The following CAST variants were observed in gnomAD, a reference collection of about 807,000 sequenced individuals.
CAST encodes calpastatin, also known as MIR583 host.
A neutral mutation model predicts 119.6 loss-of-function variants in CAST; 76 were observed. That is an observed-to-expected ratio of 0.64 (90% CI 0.53 to 0.77). The LOEUF is 0.77. CAST is among the 30% of genes least tolerant of loss of function. The pLI is 0.00. For missense variants in CAST, 953 were observed against 946.5 expected (o/e 1.01, Z -0.09); for synonymous variants, 319 against 331.6 (o/e 0.96, Z 0.41).
rs1385230697 is a variant in CAST at position 96,773,967 on chromosome 5, A to G, written c.*1351A>G. 1 of 152,236 alleles carries G rather than the reference A, an allele frequency of 6.6e-6. No homozygotes were observed. The highest frequency in any genetic ancestry group is 1.5e-5 in the Non-Finnish European group (1 of 68,026). The allele number at this position is 152,236 out of a possible 1,614,324, so 9.4% of individuals were successfully genotyped here. ...CCACATCTTGTTAACCTCCCCCCCAAATACTCTCTGAAAGTCATGCACATA... is the reference window on the plus strand; with the variant it reads ...CCACATCTTGTTAACCTCCCCCCCAGATACTCTCTGAAAGTCATGCACATA... On this transcript the variant is annotated 3_prime_UTR_variant, in exon 32 of 32. Transcript: ENST00000675179.
chr5:96,434,351 C>A, the CAST span, among the ~76,000 whole-genome samples: 1 of 152,206 alleles, frequency 6.6e-6, no homozygotes, highest in Non-Finnish European at 1.5e-5. Flanking sequence ...GCAGGACTGC[C>A]GCAGGAGCTG....
chr5:96,493,578 G>A, the CAST span, among the ~76,000 whole-genome samples: 1 of 152,174 alleles, frequency 6.6e-6, no homozygotes, highest in Non-Finnish European at 1.5e-5. Flanking sequence ...CATGCTGGGT[G>A]TACTGTGAGA....
chr5:96,619,581 C>T (rs1039788409), intron 1 of CAST, among the ~76,000 whole-genome samples: 5 of 152,216 alleles, frequency 3.3e-5, no homozygotes, highest in African/African-American at 1.2e-4. Flanking sequence ...TGCTGTTCCT[C>T]ACTGTTTGGG....
At chr5:96,396,047 A>G in the CAST span, among the ~76,000 whole-genome samples, 2 of 152,170 alleles carry the variant, frequency 1.3e-5, no homozygotes, top group Non-Finnish European at 2.9e-5. Context: ...GGTGAAATTG[A>G]GTTGAAGAAT....
intron 1 of CAST, among the ~76,000 whole-genome samples, chr5:96,556,590 A>G (rs913380336): frequency 2.6e-5 from 4 of 152,236 alleles, no homozygotes; most frequent in African/African-American, 7.2e-5. Flanking sequence ...TATTTGATCA[A>G]CTGGAAGAAA....
intron 1 of CAST, among the ~76,000 whole-genome samples, chr5:96,639,003 T>C (rs1747918804): frequency 6.6e-6 from 1 of 152,240 alleles, no homozygotes; most frequent in Admixed American, 6.5e-5. Flanking sequence ...GGTGGCCTCC[T>C]ATCTTCTCGG....
chr5:96,382,285 G>A, the CAST span, among the ~76,000 whole-genome samples: 4 of 152,194 alleles, frequency 2.6e-5, no homozygotes, highest in South Asian at 8.3e-4. Context: ...TTAGCTATGC[G>A]ACCTTGATCA....
chr5:96,642,741 G>T (rs1026604206), intron 1 of CAST, among the ~76,000 whole-genome samples: 19 of 151,908 alleles, frequency 1.3e-4, no homozygotes, highest in East Asian at 3.9e-4. Flanking sequence ...AAGAGACAGG[G>T]TTGCACCATG....
In CAST at chr5:96,774,541, A is replaced by G. The variant is rs552348011; in HGVS notation, c.*1925A>G. On this transcript the variant is annotated 3_prime_UTR_variant, in exon 32 of 32. Coordinates refer to ENST00000675179, the MANE Select transcript of CAST (RefSeq NM_001750.7). Reference sequence around the variant, plus strand: ...AAGGTTTCTGCACATTGTTGTGGCAATATTGTATCTGTTTAGAAAATGGGC... The same window carrying G: ...AAGGTTTCTGCACATTGTTGTGGCAGTATTGTATCTGTTTAGAAAATGGGC... 1.1e-4 allele frequency: 109 copies of G among 985,990 alleles called. No homozygotes were observed. Among genetic ancestry groups the G allele is most frequent in the Non-Finnish European group, 1.3e-4 (107 of 829,882 alleles). The allele number at this position is 985,990 out of a possible 1,614,324, so 61.1% of individuals were successfully genotyped here.
the CAST span, among the ~76,000 whole-genome samples, chr5:96,077,903 A>C: frequency 6.6e-6 from 1 of 152,224 alleles, no homozygotes; most frequent in East Asian, 1.9e-4. Context: ...CTATTTCTGT[A>C]AGGAACAGTA....
upstream of CAST, among the ~76,000 whole-genome samples, chr5:96,525,004 C>T (rs1745576108): frequency 6.6e-6 from 1 of 152,172 alleles, no homozygotes; most frequent in African/African-American, 2.4e-5. Flanking sequence ...GTCTTCACTC[C>T]TCATCTTGCT....
chr5:96,236,502 T>G, the CAST span, among the ~76,000 whole-genome samples: 1 of 152,180 alleles, frequency 6.6e-6, no homozygotes, highest in Non-Finnish European at 1.5e-5. Flanking sequence ...TTGCCCAGCA[T>G]GAGTGGGTCT....
At chr5:96,222,762 A>G in the CAST span, among the ~76,000 whole-genome samples, 44 of 152,196 alleles carry the variant, frequency 2.9e-4, no homozygotes, top group African/African-American at 9.1e-4. Context: ...CCTCTAATAT[A>G]TATCTATCCA....
At chr5:96,508,315 A>C in the CAST span, among the ~76,000 whole-genome samples, 2 of 152,122 alleles carry the variant, frequency 1.3e-5, no homozygotes, top group Non-Finnish European at 2.9e-5. Context: ...CCTGATTCTC[A>C]GTTCCTTCAC....
rs145252046 is a variant in CAST, at chr5:96,765,525, G to T, written c.2037+200G>T. On this transcript the variant is annotated intron_variant, in intron 26 of 31. Transcript: ENST00000675179. ...AATCTGTGACAGAGATACCAGCGGA[G>T]CCTCCCTGAGGGGATTCTGGGAGGT... is the stretch of plus-strand genomic sequence containing the variant. Among the ~76,000 whole-genome samples, 301 of 152,198 alleles carry T rather than the reference G, an allele frequency of 2.0e-3. 10 individuals are homozygous for T. In the East Asian group the frequency reaches 0.052, roughly 26 times the overall value.
the CAST span, among the ~76,000 whole-genome samples, chr5:96,496,625 A>C: frequency 6.6e-6 from 1 of 152,264 alleles, no homozygotes; most frequent in East Asian, 1.9e-4. Flanking sequence ...GTCCAAGGAA[A>C]GAAAACATTG....
At chr5:96,379,169 G>C in the CAST span, among the ~76,000 whole-genome samples, 1 of 152,132 alleles carries the variant, frequency 6.6e-6, no homozygotes, top group African/African-American at 2.4e-5. Flanking sequence ...GTTCTCATTA[G>C]TAGAATAAGT....
chr5:96,382,941 G>A, the CAST span, among the ~76,000 whole-genome samples: 5 of 152,286 alleles, frequency 3.3e-5, no homozygotes, highest in South Asian at 2.1e-4. Flanking sequence ...TGGACCTGCA[G>A]ATAAACTAAA....
chr5:96,662,497 G>A lies in CAST; in HGVS notation c.75G>A (p.Glu25=), dbSNP rs1378954044. 5 of 1,406,086 alleles carry A rather than the reference G, an allele frequency of 3.6e-6. No individual in the cohort carries two copies. The highest frequency in any genetic ancestry group is 3.7e-6 in the Non-Finnish European group (4 of 1,085,922). The allele number at this position is 1,406,086 out of a possible 1,614,324, so 87.1% of individuals were successfully genotyped here. ...RRAAAARRTH[E]HVSEKTSESP... is the part of the protein sequence containing the mutation. Reference sequence around the variant, plus strand: ...CAGCCGCCGCCCGCCGCACCCATGAGGTGAGTGGCGCTCCTGTCGGCGTCG... The same window carrying A: ...CAGCCGCCGCCCGCCGCACCCATGAAGTGAGTGGCGCTCCTGTCGGCGTCG... Residue 25 remains glutamate, a splice_region_variant and synonymous_variant, in exon 1 of 32, where the codon GAG becomes GAA. Coordinates refer to ENST00000675179, the MANE Select transcript of CAST (RefSeq NM_001750.7).
Sources: gnomAD v4.1 joint callset for allele counts (sites outside exome capture counted in the v4.1 genomes callset) on GRCh38, gnomAD v4.1.1 for gene constraint, MANE v1.5 for transcripts, NCBI Gene and HGNC (gene_info 2026-07-23, HGNC 2026-07-21) for gene names.